Variants in PLCB4 observed in about 807,000 individuals in gnomAD.
PLCB4 encodes the protein 1-phosphatidylinositol 4,5-bisphosphate phosphodiesterase beta-4.
Under a neutral mutation model 178.8 loss-of-function variants are expected in PLCB4, and 77 were observed. That is an observed-to-expected ratio of 0.43 (90% CI 0.36 to 0.52). The LOEUF (loss-of-function observed/expected upper bound fraction) is 0.52. Ranked by LOEUF, PLCB4 falls within the 20% of genes least tolerant of loss-of-function variation. The pLI is 0.00. For synonymous variants in PLCB4, 496 were observed against 490.8 expected, an observed-to-expected ratio of 1.01 and a Z score of -0.14; for missense variants, 1,024 against 1,453.4, an observed-to-expected ratio of 0.70 and a Z score of 4.80.
intron 2 of PLCB4, among the ~76,000 whole-genome samples, chr20:9,185,406 G>A (rs1445319295): frequency 6.6e-6 from 1 of 152,050 alleles, no homozygotes; most frequent in Non-Finnish European, 1.5e-5. Context: ...CTCACACGTG[G>A]TATGGTAAAT....
chr20:9,142,845 C>G (rs2092521432), intron 2 of PLCB4, among the ~76,000 whole-genome samples: 1 of 152,126 alleles, frequency 6.6e-6, no homozygotes, highest in Non-Finnish European at 1.5e-5. Flanking sequence ...GGTTTCCCAC[C>G]TCATTCAGAG....
At chr20:9,131,687 T>C (rs1162108124) in intron 2 of PLCB4, among the ~76,000 whole-genome samples, 2 of 152,208 alleles carry the variant, frequency 1.3e-5, no homozygotes, top group African/African-American at 4.8e-5. Flanking sequence ...GTTCCAACCA[T>C]GGTAGACTGT....
intron 2 of PLCB4, among the ~76,000 whole-genome samples, chr20:9,140,286 C>G (rs73609435): frequency 0.023 from 3,459 of 152,112 alleles, 118 homozygotes; most frequent in African/African-American, 0.077. Flanking sequence ...TGTCCGTCTC[C>G]TTTTCCCTCA....
At chr20:9,357,189 G>T (rs1369386798) in intron 7 of PLCB4, among the ~76,000 whole-genome samples, 1 of 152,178 alleles carries the variant, frequency 6.6e-6, no homozygotes, top group East Asian at 1.9e-4. Flanking sequence ...TCGATACCAA[G>T]AAGTTCCCAT....
chr20:9,205,323 G>A (rs1166007712), intron 2 of PLCB4, among the ~76,000 whole-genome samples: 2 of 152,128 alleles, frequency 1.3e-5, no homozygotes, highest in East Asian at 3.8e-4. Context: ...GCTAAGCTAT[G>A]GTGTTTGGCA....
Position 9,405,402 on chromosome 20 carries a change from A to G in PLCB4, c.1647+54A>G, listed in dbSNP as rs55990277. 2.0e-5 allele frequency: 21 copies of G among 1,068,226 alleles called. No homozygotes were observed. The African/African-American group carries it at 2.2e-4, about 11-fold the overall frequency. The allele number at this position is 1,068,226 out of a possible 1,614,324, so 66.2% of individuals were successfully genotyped here. A position where few individuals can be genotyped will look rare whatever the true frequency, so the allele number is the denominator to read the frequency against. Reference sequence around the variant, plus strand: ...AAATCAGATGCATCTAATTTAAAAAATCTTCAAAGGAAGGAATCAGTTGTG... The same window carrying G: ...AAATCAGATGCATCTAATTTAAAAAGTCTTCAAAGGAAGGAATCAGTTGTG... On this transcript the variant is annotated intron_variant, in intron 21 of 39. Transcript: ENST00000378473.
At chr20:9,331,703 G>C (rs1464257724) in intron 4 of PLCB4, among the ~76,000 whole-genome samples, 3 of 152,272 alleles carry the variant, frequency 2.0e-5, no homozygotes, top group Admixed American at 2.0e-4. Context: ...TGAAAAATAG[G>C]TTGTGATATT....
chr20:9,282,203 T>C (rs1477317205), intron 3 of PLCB4, among the ~76,000 whole-genome samples: 1 of 152,024 alleles, frequency 6.6e-6, no homozygotes, highest in African/African-American at 2.4e-5. Context: ...CATTCAGTTA[T>C]TCACTTCTTC....
At chr20:9,361,413 G>A (rs66926294) in intron 7 of PLCB4, among the ~76,000 whole-genome samples, 10,258 of 152,214 alleles carry the variant, frequency 0.067, 384 homozygotes, top group Middle Eastern at 0.092. Flanking sequence ...ATTTATATGA[G>A]GCACCTAGCA....
intron 4 of PLCB4, among the ~76,000 whole-genome samples, chr20:9,324,416 C>T (rs2030051949): frequency 2.6e-5 from 4 of 152,066 alleles, no homozygotes; most frequent in African/African-American, 7.2e-5. Flanking sequence ...CACAGTGAGA[C>T]TCCGTCTGTC....
intron 1 of PLCB4, among the ~76,000 whole-genome samples, 156 bp from the exon 2 acceptor site, chr20:9,096,131 A>G (rs879935697): frequency 2.2e-4 from 34 of 152,206 alleles, no homozygotes; most frequent in Admixed American, 2.0e-4. Context: ...ATGTAGATAG[A>G]AATGAAGAAA....
At chr20:9,362,167 T>C (rs2035401189) in intron 7 of PLCB4, among the ~76,000 whole-genome samples, 1 of 152,218 alleles carries the variant, frequency 6.6e-6, no homozygotes, top group South Asian at 2.1e-4. Flanking sequence ...ATGGCATTCA[T>C]TGGCATCAGT....
chr20:9,249,498 T>A (rs1178545832), intron 3 of PLCB4, among the ~76,000 whole-genome samples: 1 of 152,132 alleles, frequency 6.6e-6, no homozygotes, highest in African/African-American at 2.4e-5. Context: ...AAATTTTCTG[T>A]AGAGACAGGG....
At position 9,240,883 on chromosome 20, in the gene PLCB4, G is replaced by A. The variant is rs191541906; in HGVS notation, c.-16+23431G>A. On this transcript the variant is annotated intron_variant, in intron 3 of 39. Transcript: ENST00000378473. Reference sequence around the variant, plus strand: ...ACAACCCTGGCCACTTAGGTAAACCGTTGTCTGCTCTGATGGATCATGGTA... The same window carrying A: ...ACAACCCTGGCCACTTAGGTAAACCATTGTCTGCTCTGATGGATCATGGTA... Among the ~76,000 whole-genome samples the A allele has an allele frequency of 8.7e-4, 132 of 152,210 alleles. 1 individual carries two copies. Among genetic ancestry groups the A allele is most frequent in the Non-Finnish European group, 3.2e-4 (22 of 68,018 alleles).
At chr20:9,194,688 A>G (rs62194767) in intron 2 of PLCB4, among the ~76,000 whole-genome samples, 4,918 of 134,742 alleles carry the variant, frequency 0.036, 116 homozygotes, top group South Asian at 0.058. Context: ...GCAAGACTCC[A>G]TCTCAAAAAA....
intron 7 of PLCB4, among the ~76,000 whole-genome samples, chr20:9,348,209 A>G (rs1205901363): frequency 2.6e-5 from 4 of 152,128 alleles, no homozygotes; most frequent in East Asian, 3.9e-4. Flanking sequence ...CTTCCTGTGG[A>G]CATTAAAGGT....
chr20:9,278,109 G>A (rs2094465449), intron 3 of PLCB4, among the ~76,000 whole-genome samples: 1 of 151,994 alleles, frequency 6.6e-6, no homozygotes, highest in Non-Finnish European at 1.5e-5. Context: ...CTTAAGTTCA[G>A]AGCAAACAGA....
chr20:9,186,359 C>T (rs2093328601), intron 2 of PLCB4, among the ~76,000 whole-genome samples: 1 of 152,178 alleles, frequency 6.6e-6, no homozygotes. Context: ...AGATTAGTCT[C>T]TGCCAACTCA....
intron 28 of PLCB4, 140 bp from the exon 29 acceptor site, chr20:9,435,420 G>A (rs138981589): frequency 9.2e-4 from 464 of 502,490 alleles, no homozygotes; most frequent in Non-Finnish European, 1.4e-3. Context: ...GCCTTCCTCA[G>A]TGTGTCTTAT....
Sources: gnomAD v4.1 joint callset for allele counts (sites outside exome capture counted in the v4.1 genomes callset) on GRCh38, gnomAD v4.1.1 for gene constraint, MANE v1.5 for transcripts, NCBI Gene and HGNC (gene_info 2026-07-23, HGNC 2026-07-21) for gene names.